Variants in TMEM132C observed in about 807,000 individuals in gnomAD.
TMEM132C encodes the protein transmembrane protein 132C.
In TMEM132C, 29 loss-of-function variants were observed where a neutral mutation model predicts 61.4. The ratio of observed to expected loss-of-function variants is 0.47; its 90% CI spans 0.35 to 0.64. The LOEUF (loss-of-function observed/expected upper bound fraction) is 0.64, where lower values mean the gene tolerates loss of function less well. Ranked by LOEUF, TMEM132C falls within the 30% of genes least tolerant of loss-of-function variation. The pLI is 0.00. For synonymous variants in TMEM132C, 656 were observed against 633.1 expected (o/e 1.04, Z -0.54); for missense variants, 1,408 against 1,476.9 (o/e 0.95, Z 0.76).
intron 2 of TMEM132C, among the ~76,000 whole-genome samples, chr12:128,458,227 T>C (rs1374878097): frequency 6.8e-6 from 1 of 147,900 alleles, no homozygotes; most frequent in East Asian, 1.9e-4. Context: ...TAATATATCA[T>C]GGAGTGAGTA....
chr12:128,340,954 T>C (rs1445876364), intron 1 of TMEM132C, among the ~76,000 whole-genome samples: 2 of 150,220 alleles, frequency 1.3e-5, no homozygotes, highest in Admixed American at 1.3e-4. Flanking sequence ...CTTTCTTTCT[T>C]TCTTTCTTTC....
At chr12:128,629,945 G>T (rs973881066) in intron 4 of TMEM132C, among the ~76,000 whole-genome samples, 6 of 141,826 alleles carry the variant, frequency 4.2e-5, no homozygotes, top group Non-Finnish European at 9.1e-5. Flanking sequence ...TAGCCTGGAA[G>T]ACAAGAGCAA....
At chr12:128,497,210 T>C (rs936931009) in intron 2 of TMEM132C, among the ~76,000 whole-genome samples, 1 of 152,224 alleles carries the variant, frequency 6.6e-6, no homozygotes, top group Admixed American at 6.5e-5. Flanking sequence ...CTCAGAGGGG[T>C]ACCCAGCCCT....
chr12:128,426,706 C>T (rs1198953441), intron 2 of TMEM132C, among the ~76,000 whole-genome samples: 7 of 152,240 alleles, frequency 4.6e-5, no homozygotes, highest in East Asian at 1.9e-4. Flanking sequence ...TGTCCCCCTC[C>T]GCAGCTCCCC....
chr12:128,428,541 C>A (rs968732550), intron 2 of TMEM132C, among the ~76,000 whole-genome samples: 1 of 152,160 alleles, frequency 6.6e-6, no homozygotes, highest in East Asian at 1.9e-4. Flanking sequence ...TATCAACATA[C>A]CTATTTTCCA....
intron 2 of TMEM132C, among the ~76,000 whole-genome samples, chr12:128,508,479 G>A (rs1469684529): frequency 6.6e-6 from 1 of 152,186 alleles, no homozygotes; most frequent in African/African-American, 2.4e-5. Context: ...ATAGATGCAG[G>A]GAGGCGGAGT....
intron 3 of TMEM132C, among the ~76,000 whole-genome samples, chr12:128,601,587 A>T (rs961054228): frequency 3.2e-4 from 48 of 152,138 alleles, no homozygotes; most frequent in African/African-American, 9.9e-4. Context: ...TAAGTGAGCC[A>T]TGGATGGCAG....
intron 2 of TMEM132C, among the ~76,000 whole-genome samples, chr12:128,536,689 A>T (rs1477640517): frequency 6.6e-6 from 1 of 152,122 alleles, no homozygotes; most frequent in African/African-American, 2.4e-5. Context: ...AGCTATGTCT[A>T]GCCTTTTAAC....
Position 128,415,628 on chromosome 12 carries a change from C to T in TMEM132C, c.974+8C>T. 2 of 1,506,998 alleles carry T rather than the reference C, an allele frequency of 1.3e-6. No homozygotes were observed. Among genetic ancestry groups the T allele is most frequent in the Non-Finnish European group, 1.8e-6 (2 of 1,121,434 alleles). 93.4% of individuals were successfully genotyped at this position (1,506,998 alleles called of 1,614,324 possible). A position where few individuals can be genotyped will look rare whatever the true frequency, so the allele number is the denominator to read the frequency against. ...GGACCTCTTCATCTTGAGGTAGGTG[C>T]CCATGCTTGCCCCTGATCATCTTTG... On this transcript the variant is annotated splice_region_variant and intron_variant, in intron 2 of 8. Transcript: ENST00000435159. The surrounding 1 kb of genome is among the most constrained non-coding windows in gnomAD (Gnocchi z 5.8).
intron 1 of TMEM132C, among the ~76,000 whole-genome samples, chr12:128,318,108 A>G (rs373187283): frequency 6.6e-6 from 1 of 152,192 alleles, no homozygotes; most frequent in Non-Finnish European, 1.5e-5. Context: ...TGGTGGTGAA[A>G]AAAACAGACA....
intron 2 of TMEM132C, among the ~76,000 whole-genome samples, chr12:128,452,744 A>G (rs148373121): frequency 0.016 from 2,467 of 152,140 alleles, 47 homozygotes; most frequent in African/African-American, 0.057. Flanking sequence ...ATGTTTCCAG[A>G]ATGTGATTTG....
At chr12:128,371,670 C>T (rs1440284103) in intron 1 of TMEM132C, among the ~76,000 whole-genome samples, 2 of 152,168 alleles carry the variant, frequency 1.3e-5, no homozygotes, top group Non-Finnish European at 1.5e-5. Flanking sequence ...CCTCCTGGGC[C>T]CAAGCAATCC....
chr12:128,566,189 CA>C (rs59258589), intron 3 of TMEM132C, among the ~76,000 whole-genome samples: 732 of 67,790 alleles, frequency 0.011, 5 homozygotes, highest in Middle Eastern at 0.02. Context: ...CAAGCCTAAC[CA>C]AAAAAAAAAA....
chr12:128,445,024 A>C (rs1467825780), intron 2 of TMEM132C, among the ~76,000 whole-genome samples: 2 of 152,184 alleles, frequency 1.3e-5, no homozygotes, highest in African/African-American at 2.4e-5. Flanking sequence ...AGCCACTAAG[A>C]GCATTACTCA....
chr12:128,476,522 G>A (rs946471003), intron 2 of TMEM132C, among the ~76,000 whole-genome samples: 1 of 152,200 alleles, frequency 6.6e-6, no homozygotes, highest in African/African-American at 2.4e-5. Context: ...ACATCATAAA[G>A]TCATCTAGAA....
At chr12:128,666,104 C>T (rs1435758092) in intron 4 of TMEM132C, among the ~76,000 whole-genome samples, 2 of 147,492 alleles carry the variant, frequency 1.4e-5, no homozygotes. Context: ...CACACATACC[C>T]ATAAACACAC....
rs534625398 is a variant in TMEM132C at position 128,671,062 on chromosome 12, C to T, written c.1449+1502C>T. Among the ~76,000 whole-genome samples the T allele has an allele frequency of 1.4e-4, 22 of 152,224 alleles. No homozygotes were observed. In the South Asian group the frequency reaches 4.4e-3, roughly 30 times the overall value. On this transcript the variant is annotated intron_variant, in intron 5 of 8. Transcript: ENST00000435159. Reference sequence around the variant, plus strand: ...AGCACCCTTAAAGAGTAGGGGTTGGCAAACCATGAGCCATGGGCCAAACCT... The same window carrying T: ...AGCACCCTTAAAGAGTAGGGGTTGGTAAACCATGAGCCATGGGCCAAACCT...
chr12:128,639,760 G>C (rs900008603), intron 4 of TMEM132C, among the ~76,000 whole-genome samples: 1 of 152,152 alleles, frequency 6.6e-6, no homozygotes, highest in African/African-American at 2.4e-5. Context: ...GGGACTCCCA[G>C]TTTTAAAACT....
At chr12:128,679,805 C>G (rs568083591) in intron 5 of TMEM132C, among the ~76,000 whole-genome samples, 1 of 152,156 alleles carries the variant, frequency 6.6e-6, no homozygotes, top group East Asian at 1.9e-4. Flanking sequence ...AACATAAAAG[C>G]AAGTTCATTT....
Sources: allele counts gnomAD v4.1 joint callset (sites outside exome capture counted in the v4.1 genomes callset), GRCh38; gene constraint gnomAD v4.1.1; non-coding constraint Gnocchi (gnomAD v3.1); transcripts MANE v1.5; gene names NCBI Gene and HGNC (gene_info 2026-07-23, HGNC 2026-07-21).